SUPT3H: variants seen among roughly 807,000 people sequenced by gnomAD.
The protein encoded by SUPT3H is SPT3 homolog, SAGA and STAGA complex component, also known as transcription initiation protein SPT3 homolog.
In SUPT3H, 44 loss-of-function variants were observed where a neutral mutation model predicts 44.3. The observed-to-expected ratio is 0.99, with a 90% CI of 0.78 to 1.28. The LOEUF (loss-of-function observed/expected upper bound fraction) is 1.28. SUPT3H is among the 50% of genes most tolerant of loss of function. SUPT3H has a pLI of 0.00. For missense variants in SUPT3H, 380 were observed against 387.1 expected, an observed-to-expected ratio of 0.98 and a Z score of 0.15; for synonymous variants, 124 against 125.6, an observed-to-expected ratio of 0.99 and a Z score of 0.09.
intron 11 of SUPT3H, among the ~76,000 whole-genome samples, chr6:44,818,649 AACAC>A (rs1405800061): frequency 2.0e-5 from 3 of 152,214 alleles, no homozygotes; most frequent in African/African-American, 7.2e-5. Context: ...GATGTGAATA[AACAC>A]TTCAACAAAG....
In SUPT3H at chr6:44,947,167, C is replaced by T. The variant is rs56288515; in HGVS notation, c.801+6143G>A. 8.7e-3 allele frequency among the ~76,000 whole-genome samples: 1,325 copies of T among 152,202 alleles called. 24 individuals are homozygous for T. The highest frequency in any genetic ancestry group is 0.03 in the African/African-American group (1,246 of 41,536). The stretch of plus-strand genomic sequence containing the variant: ...TGCAGACTTATAGACTACAGTATAG[C>T]GTAAACATAATTTTTATATGCACCA... On this transcript the variant is annotated intron_variant, in intron 9 of 10. Transcript: ENST00000371459.
chr6:44,916,494 C>G lies in SUPT3H; in HGVS notation c.912+16159G>C, dbSNP rs1303549469. Among the ~76,000 whole-genome samples the G allele has an allele frequency of 2.0e-5, 3 of 152,194 alleles. No homozygotes were observed. In the East Asian group the frequency reaches 5.8e-4, roughly 29 times the overall value. On this transcript the variant is annotated intron_variant, in intron 10 of 10. Transcript: ENST00000371459. ...CCCACACAAGGGCAAACATGCAGGG[C>G]AGGAAAGGAGTCCAGCATTTGTGGA...
chr6:45,330,414 G>A (rs1584944780), intron 2 of SUPT3H, among the ~76,000 whole-genome samples: 1 of 151,786 alleles, frequency 6.6e-6, no homozygotes, highest in Non-Finnish European at 1.5e-5. Context: ...CTTGAAACAG[G>A]GATAACAGAG....
At chr6:45,331,132 C>T (rs930685199) in intron 2 of SUPT3H, among the ~76,000 whole-genome samples, 23 of 149,450 alleles carry the variant, frequency 1.5e-4, no homozygotes, top group Non-Finnish European at 2.5e-4. Flanking sequence ...TGTGTGCGCG[C>T]GCGCGCGCAC....
chr6:44,965,091 A>G (rs184615996), intron 6 of SUPT3H, among the ~76,000 whole-genome samples: 25 of 152,328 alleles, frequency 1.6e-4, no homozygotes, highest in Admixed American at 1.2e-3. Context: ...TGTAGCTCCT[A>G]CAATTAACAT....
chr6:45,252,373 C>T (rs915623285), intron 2 of SUPT3H, among the ~76,000 whole-genome samples: 14 of 152,268 alleles, frequency 9.2e-5, no homozygotes, highest in African/African-American at 3.4e-4. Context: ...GTTTCTGATG[C>T]TGTGAAACCA....
intron 10 of SUPT3H, among the ~76,000 whole-genome samples, chr6:44,894,944 T>G (rs139451761): frequency 3.3e-5 from 5 of 152,032 alleles, no homozygotes; most frequent in African/African-American, 1.2e-4. Flanking sequence ...TTAATTTCAC[T>G]TTTCCACTAG....
chr6:45,016,298 A>G (rs1252796873), intron 4 of SUPT3H, among the ~76,000 whole-genome samples: 1 of 151,916 alleles, frequency 6.6e-6, no homozygotes, highest in Non-Finnish European at 1.5e-5. Flanking sequence ...AGTTCATCAT[A>G]TGGTACCTGA....
At chr6:45,014,978 A>C (rs1037930799) in intron 4 of SUPT3H, 87 bp from the exon 5 acceptor site, 3 of 676,342 alleles carry the variant, frequency 4.4e-6, no homozygotes, top group Non-Finnish European at 4.4e-6. Flanking sequence ...AAATTTAATA[A>C]ACTTGTACCC....
intron 10 of SUPT3H, among the ~76,000 whole-genome samples, chr6:44,903,726 C>A (rs561216446): frequency 1.3e-5 from 2 of 152,062 alleles, no homozygotes; most frequent in South Asian, 2.1e-4. Context: ...GAGACACCAC[C>A]AAAAAAGAGA....
At chr6:45,315,842 A>C (rs905000962) in intron 2 of SUPT3H, among the ~76,000 whole-genome samples, 8 of 152,182 alleles carry the variant, frequency 5.3e-5, no homozygotes, top group Admixed American at 5.2e-4. Flanking sequence ...TGTTTATAGC[A>C]GCACAATTCA....
chr6:44,910,778 G>A (rs1381886276), intron 10 of SUPT3H, among the ~76,000 whole-genome samples: 2 of 151,168 alleles, frequency 1.3e-5, no homozygotes, highest in East Asian at 3.9e-4. Context: ...TGGATCACTC[G>A]AGGTCAGGAG....
chr6:45,077,289 T>C (rs1289250880), intron 3 of SUPT3H, among the ~76,000 whole-genome samples: 6 of 152,122 alleles, frequency 3.9e-5, no homozygotes, highest in Admixed American at 3.3e-4. Context: ...GAAGGCCTTG[T>C]CCATAGTACC....
intron 2 of SUPT3H, among the ~76,000 whole-genome samples, chr6:45,293,301 C>T (rs909593922): frequency 1.3e-5 from 2 of 152,052 alleles, no homozygotes. Flanking sequence ...ACAATAGTGA[C>T]ACAACCTATC....
chr6:44,941,620 A>G (rs190801351), intron 9 of SUPT3H, among the ~76,000 whole-genome samples: 96 of 152,304 alleles, frequency 6.3e-4, no homozygotes, highest in Non-Finnish European at 1.1e-3. Context: ...GGATTCATAC[A>G]TTATTATCTC....
chr6:45,167,476 T>A (rs549925790), intron 2 of SUPT3H, among the ~76,000 whole-genome samples: 2 of 152,308 alleles, frequency 1.3e-5, no homozygotes, highest in South Asian at 4.1e-4. Context: ...TTTGAAGTAA[T>A]TTTTGGTAGT....
intron 2 of SUPT3H, among the ~76,000 whole-genome samples, chr6:45,236,215 C>T (rs76382280): frequency 0.018 from 2,672 of 152,212 alleles, 52 homozygotes; most frequent in South Asian, 0.085. Context: ...AGGGTCTCCA[C>T]GACTGAGCTG....
In SUPT3H at chr6:44,811,580, G is replaced by A. The variant is rs188953352; in HGVS notation, c.*53-2079C>T. Among the ~76,000 whole-genome samples the A allele has an allele frequency of 1.7e-3, 257 of 152,318 alleles. 1 individual carries two copies. The highest frequency in any genetic ancestry group is 5.9e-3 in the African/African-American group (245 of 41,576). ...TGCAGATGTGGAAGGTGGAAATGAA[G>A]CAGCTATTGATCTTTGAAGGTCTTG... is the stretch of plus-strand genomic sequence containing the variant. On this transcript the variant is annotated intron_variant and NMD_transcript_variant, in intron 11 of 11. Transcript: ENST00000475057.
At chr6:45,208,661 T>G (rs537627315) in intron 2 of SUPT3H, among the ~76,000 whole-genome samples, 6 of 150,582 alleles carry the variant, frequency 4.0e-5, no homozygotes, top group African/African-American at 1.2e-4. Flanking sequence ...GAGGTGGAGG[T>G]TGCAGTGAGT....
Sources: allele counts gnomAD v4.1 joint callset (sites outside exome capture counted in the v4.1 genomes callset), GRCh38; gene constraint gnomAD v4.1.1; transcripts MANE v1.5; gene names NCBI Gene and HGNC (gene_info 2026-07-23, HGNC 2026-07-21).